POLK: variants seen among roughly 807,000 people sequenced by gnomAD.
POLK encodes DNA polymerase kappa, also known as polymerase (DNA directed) kappa.
Under a neutral mutation model 94.0 loss-of-function variants are expected in POLK, and 76 were observed. That is an observed-to-expected ratio of 0.81 (90% CI 0.67 to 0.98). The LOEUF is 0.98. Ranked by LOEUF, POLK falls within the 50% of genes least tolerant of loss-of-function variation. The pLI is 0.00. For synonymous variants in POLK, 349 were observed against 325.4 expected (o/e 1.07, Z -0.78); for missense variants, 954 against 1,010.1 (o/e 0.94, Z 0.75).
intron 1 of POLK, among the ~76,000 whole-genome samples, chr5:75,514,766 G>A (rs537222168): frequency 4.7e-4 from 71 of 152,178 alleles, no homozygotes; most frequent in African/African-American, 1.6e-3. Flanking sequence ...TCAGGGTGCT[G>A]AGGTGGCAGG....
At chr5:75,538,559 A>G (rs567425323) in intron 1 of POLK, 2 of 152,296 alleles carry the variant, frequency 1.3e-5, no homozygotes, top group Non-Finnish European at 2.9e-5. Context: ...CAGAGGAGAG[A>G]GAGATATCAT....
At chr5:75,550,047 A>G (rs1770256630) in intron 2 of POLK, among the ~76,000 whole-genome samples, 1 of 152,204 alleles carries the variant, frequency 6.6e-6, no homozygotes, top group Non-Finnish European at 1.5e-5. Context: ...AGTTTTATCA[A>G]ATATTTAAAG....
chr5:75,585,811 A>G lies in POLK; in HGVS notation c.1226+885A>G, dbSNP rs147271740. ...AGCCTGTCCTCAAAATGACTCCTTT[A>G]TATTCTTGTATTTAAACTAAAGGAC... On this transcript the variant is annotated intron_variant, in intron 9 of 14. Coordinates refer to ENST00000241436, the Ensembl canonical transcript of POLK. Among the ~76,000 whole-genome samples the G allele has an allele frequency of 1.1e-3, 165 of 152,330 alleles. 1 individual carries two copies. In the East Asian group the frequency reaches 0.027, roughly 25 times the overall value.
chr5:75,559,407 A>C (rs1285786711), intron 3 of POLK, among the ~76,000 whole-genome samples: 1 of 152,110 alleles, frequency 6.6e-6, no homozygotes, highest in Non-Finnish European at 1.5e-5. Flanking sequence ...ACATGGGTTC[A>C]TAAATCAAGT....
At chr5:75,565,600 TTGC>T (rs367626094) in intron 3 of POLK, among the ~76,000 whole-genome samples, 5 of 152,204 alleles carry the variant, frequency 3.3e-5, no homozygotes, top group African/African-American at 1.2e-4. Context: ...GTTGATGCTG[TTGC>T]TTTCTGTTTG....
At chr5:75,573,191 T>C (rs963320250) in intron 4 of POLK, among the ~76,000 whole-genome samples, 3 of 151,976 alleles carry the variant, frequency 2.0e-5, no homozygotes, top group Admixed American at 2.0e-4. Context: ...CCATAAAAAA[T>C]GATGAGTTCA....
At chr5:75,568,433 G>A (rs952920969) in intron 3 of POLK, among the ~76,000 whole-genome samples, 1 of 152,130 alleles carries the variant, frequency 6.6e-6, no homozygotes, top group Non-Finnish European at 1.5e-5. Context: ...TGATAGTGGA[G>A]GCCGGCCACA....
chr5:75,537,866 A>ATTT (rs1429495657), intron 1 of POLK, among the ~76,000 whole-genome samples: 1 of 150,522 alleles, frequency 6.6e-6, no homozygotes. Context: ...TTATTTATTT[A>ATTT]TTTTTTTTGA....
chr5:75,556,047 T>C (rs929666065), intron 3 of POLK, among the ~76,000 whole-genome samples: 2 of 152,216 alleles, frequency 1.3e-5, no homozygotes, highest in African/African-American at 4.8e-5. Flanking sequence ...CTGGATAATA[T>C]GGTAAAATAA....
intron 1 of POLK, among the ~76,000 whole-genome samples, chr5:75,518,669 G>A (rs1768429560): frequency 6.6e-6 from 1 of 151,910 alleles, no homozygotes; most frequent in African/African-American, 2.4e-5. Flanking sequence ...GGTTTGGATT[G>A]TTCCTGCTTT....
At chr5:75,547,101 G>A in exon 2 of POLK, 1 of 1,525,920 alleles carries the variant, frequency 6.6e-7, no homozygotes, top group Non-Finnish European at 9.0e-7. Flanking sequence ...TAATAAAGCA[G>A]GAATGGAAGG....
chr5:75,546,964 G>C, intron 1 of POLK, 46 bp from the exon 2 acceptor site: 1 of 1,072,594 alleles, frequency 9.3e-7, no homozygotes, highest in Non-Finnish European at 1.3e-6. Flanking sequence ...ACCACGCCTG[G>C]CCACAGATGG....
At chr5:75,564,947 T>G (rs1198626755) in intron 3 of POLK, among the ~76,000 whole-genome samples, 1 of 152,230 alleles carries the variant, frequency 6.6e-6, no homozygotes, top group Non-Finnish European at 1.5e-5. Context: ...GTTGGGGAAG[T>G]TCTCCTGGAT....
intron 6 of POLK, among the ~76,000 whole-genome samples, chr5:75,579,261 T>C (rs1259681337): frequency 2.0e-5 from 3 of 152,194 alleles, no homozygotes; most frequent in African/African-American, 7.2e-5. Flanking sequence ...CTTACTTGGT[T>C]TGCAGTTTTT....
chr5:75,529,533 T>C (rs1037395340), intron 1 of POLK, among the ~76,000 whole-genome samples: 1 of 152,214 alleles, frequency 6.6e-6, no homozygotes, highest in East Asian at 1.9e-4. Context: ...TACTGTTACA[T>C]AGTATATGCT....
intron 12 of POLK, 40 bp from the exon 13 acceptor site, chr5:75,596,182 T>C: frequency 1.7e-6 from 2 of 1,176,844 alleles, no homozygotes; most frequent in Non-Finnish European, 2.5e-6. Flanking sequence ...GTGAATTGGC[T>C]TTGTTCAATT....
downstream of POLK, among the ~76,000 whole-genome samples, chr5:75,601,379 C>T (rs375058600): frequency 1.9e-4 from 29 of 151,488 alleles, no homozygotes; most frequent in Middle Eastern, 3.4e-3. Context: ...ATTTTTTTGC[C>T]GTTTGTGATG....
chr5:75,511,264 A>C (rs988238905), upstream of POLK: 11 of 1,596,270 alleles, frequency 6.9e-6, no homozygotes, highest in Admixed American at 1.2e-4. Flanking sequence ...GCGCCGGAGG[A>C]GGCGCCCAGT....
intron 6 of POLK, among the ~76,000 whole-genome samples, chr5:75,578,056 A>G (rs986945660): frequency 5.9e-5 from 9 of 152,222 alleles, no homozygotes; most frequent in Admixed American, 4.6e-4. Context: ...TTAAATAATT[A>G]TGTCAAAGCA....
Sources: gnomAD v4.1 joint callset for allele counts (sites outside exome capture counted in the v4.1 genomes callset) on GRCh38, gnomAD v4.1.1 for gene constraint, MANE v1.5 for transcripts, NCBI Gene and HGNC (gene_info 2026-07-23, HGNC 2026-07-21) for gene names.